Variants in DTNBP1 observed in about 807,000 individuals in gnomAD.
DTNBP1 encodes the protein dystrobrevin binding protein 1.
In DTNBP1, 35 loss-of-function variants were observed where a neutral mutation model predicts 42.8. The ratio of observed to expected loss-of-function variants is 0.82; its 90% CI spans 0.63 to 1.09. DTNBP1 has a LOEUF of 1.09. Among genes scored for constraint, DTNBP1 ranks in the 50% least tolerant of loss-of-function variants. DTNBP1 has a pLI of 0.00. For synonymous variants in DTNBP1, 171 were observed against 162.2 expected, an observed-to-expected ratio of 1.05 and a Z score of -0.41; for missense variants, 457 against 424.2, an observed-to-expected ratio of 1.08 and a Z score of -0.68.
intron 7 of DTNBP1, among the ~76,000 whole-genome samples, chr6:15,541,806 T>C (rs888355586): frequency 6.6e-6 from 1 of 152,030 alleles, no homozygotes; most frequent in Admixed American, 6.6e-5. Flanking sequence ...ATATATGAAA[T>C]TAAAAAAAAC....
chr6:15,551,889 C>G (rs1343039503), intron 7 of DTNBP1, among the ~76,000 whole-genome samples: 1 of 152,174 alleles, frequency 6.6e-6, no homozygotes, highest in Non-Finnish European at 1.5e-5. Flanking sequence ...GCTGCTTGAT[C>G]GCAAAGCCAC....
chr6:15,597,676 A>G (rs1776568558), intron 6 of DTNBP1, among the ~76,000 whole-genome samples: 1 of 152,190 alleles, frequency 6.6e-6, no homozygotes, highest in Non-Finnish European at 1.5e-5. Flanking sequence ...TCATACAGGT[A>G]TCGTCTCTAC....
intron 1 of DTNBP1, among the ~76,000 whole-genome samples, chr6:15,661,009 C>A (rs893407353): frequency 1.3e-5 from 2 of 152,192 alleles, no homozygotes; most frequent in African/African-American, 4.8e-5. Flanking sequence ...TGCAAGCACG[C>A]AAGCACACCC....
chr6:15,611,341 A>G (rs919802974), intron 6 of DTNBP1, among the ~76,000 whole-genome samples: 1 of 152,154 alleles, frequency 6.6e-6, no homozygotes, highest in Admixed American at 6.5e-5. Flanking sequence ...AAAAAAAAAC[A>G]AATTCCTTTC....
chr6:15,556,530 T>TGACAGAA (rs1298180445), intron 7 of DTNBP1, among the ~76,000 whole-genome samples: 1 of 152,166 alleles, frequency 6.6e-6, no homozygotes, highest in African/African-American at 2.4e-5. Context: ...TGGCTGTGGG[T>TGACAGAA]GACAGAATTG....
intron 8 of DTNBP1, among the ~76,000 whole-genome samples, chr6:15,526,765 T>C (rs1772432820): frequency 6.6e-6 from 1 of 152,222 alleles, no homozygotes; most frequent in Non-Finnish European, 1.5e-5. Context: ...TTTTAGATCG[T>C]GGCTTCTGAC....
chr6:15,642,938 T>C (rs1038310017), intron 3 of DTNBP1, among the ~76,000 whole-genome samples: 5 of 152,210 alleles, frequency 3.3e-5, no homozygotes, highest in African/African-American at 1.2e-4. Flanking sequence ...AGGATCACAT[T>C]AGCTCTCTAG....
chr6:15,569,358 C>G (rs1380216154), intron 7 of DTNBP1, among the ~76,000 whole-genome samples: 1 of 134,816 alleles, frequency 7.4e-6, no homozygotes, highest in Non-Finnish European at 1.6e-5. Flanking sequence ...TTAAGACCCC[C>G]CCCCGCCCGC....
intron 6 of DTNBP1, among the ~76,000 whole-genome samples, chr6:15,598,920 A>G (rs995681703): frequency 6.6e-6 from 1 of 152,194 alleles, no homozygotes; most frequent in Admixed American, 6.5e-5. Flanking sequence ...TAAATTGTAT[A>G]TATCTATTTT....
At chr6:15,628,359 A>T (rs1226364331) in intron 4 of DTNBP1, among the ~76,000 whole-genome samples, 1 of 148,440 alleles carries the variant, frequency 6.7e-6, no homozygotes, top group Non-Finnish European at 1.5e-5. Context: ...GAATTTGAGT[A>T]TTCAAAACAG....
At chr6:15,663,042 T>C, upstream of DTNBP1, 1 of 810,330 alleles carries the variant, frequency 1.2e-6, no homozygotes, top group Non-Finnish European at 1.8e-6. Flanking sequence ...CCCTTCCGCG[T>C]TCCCGCCCCG....
Position 15,569,751 on chromosome 6 carries a change from T to C in DTNBP1, c.511+23308A>G, listed in dbSNP as rs554013296. Among the ~76,000 whole-genome samples the C allele has an allele frequency of 1.4e-4, 22 of 152,112 alleles. No homozygotes were observed. The East Asian group carries it at 1.9e-3, about 13-fold the overall frequency. ...TACTTCCTGAGAACCTCTGAACACA[T>C]AGTTTCTTCTGCATAGAAATTTCGT... On this transcript the variant is annotated intron_variant, in intron 7 of 9. Coordinates refer to ENST00000344537, the MANE Select transcript of DTNBP1 (RefSeq NM_032122.5).
chr6:15,594,788 G>C (rs6906100), intron 6 of DTNBP1, among the ~76,000 whole-genome samples: 124,146 of 151,946 alleles, frequency 0.82, 51,104 homozygotes, highest in East Asian at 1. Flanking sequence ...TGATTACAAT[G>C]TTTAGAGAGC....
intron 7 of DTNBP1, among the ~76,000 whole-genome samples, chr6:15,566,055 C>T (rs988364715): frequency 2.6e-5 from 4 of 152,172 alleles, no homozygotes; most frequent in Non-Finnish European, 5.9e-5. Context: ...TTCTTCACGC[C>T]TGTAATCCCA....
At chr6:15,547,659 G>A (rs914919524) in intron 7 of DTNBP1, among the ~76,000 whole-genome samples, 5 of 152,182 alleles carry the variant, frequency 3.3e-5, no homozygotes, top group Non-Finnish European at 7.3e-5. Context: ...CCTTATGGGT[G>A]ACAATAACGG....
chr6:15,590,546 T>C (rs1342845072), intron 7 of DTNBP1, among the ~76,000 whole-genome samples: 1 of 152,222 alleles, frequency 6.6e-6, no homozygotes, highest in Non-Finnish European at 1.5e-5. Context: ...GTACTCTACA[T>C]GTGCTTACAA....
At chr6:15,539,003 A>G (rs1438041909) in intron 7 of DTNBP1, among the ~76,000 whole-genome samples, 2 of 152,112 alleles carry the variant, frequency 1.3e-5, no homozygotes, top group Non-Finnish European at 2.9e-5. Context: ...CCATCCCCAC[A>G]TTCCCAGCAC....
intron 7 of DTNBP1, among the ~76,000 whole-genome samples, chr6:15,566,302 G>A (rs1034266686): frequency 1.5e-5 from 2 of 133,120 alleles, no homozygotes; most frequent in Admixed American, 8.1e-5. Context: ...GCGACAGAGC[G>A]AGACTCCGTC....
chr6:15,599,986 G>C (rs1776665441), intron 6 of DTNBP1, among the ~76,000 whole-genome samples: 1 of 151,888 alleles, frequency 6.6e-6, no homozygotes, highest in Admixed American at 6.6e-5. Context: ...CCCACCACTT[G>C]AAACTGTATA....
Sources: allele counts gnomAD v4.1 joint callset (sites outside exome capture counted in the v4.1 genomes callset), GRCh38; gene constraint gnomAD v4.1.1; transcripts MANE v1.5; gene names NCBI Gene and HGNC (gene_info 2026-07-23, HGNC 2026-07-21).